CADPS2: variants seen among roughly 807,000 people sequenced by gnomAD.
The protein encoded by CADPS2 is calcium dependent secretion activator 2.
A neutral mutation model predicts 172.5 loss-of-function variants in CADPS2; 93 were observed. That is an observed-to-expected ratio of 0.54 (90% CI 0.46 to 0.64). CADPS2 has a LOEUF of 0.64. Ranked by LOEUF, CADPS2 falls within the 30% of genes least tolerant of loss-of-function variation. The pLI is 0.00. For missense variants in CADPS2, 1,420 were observed against 1,565.9 expected, an observed-to-expected ratio of 0.91 and a Z score of 1.57; for synonymous variants, 546 against 555.2, an observed-to-expected ratio of 0.98 and a Z score of 0.23.
chr7:122,346,028 C>A (rs796216710), intron 27 of CADPS2, among the ~76,000 whole-genome samples: 5 of 150,584 alleles, frequency 3.3e-5, no homozygotes, highest in African/African-American at 1.2e-4. Flanking sequence ...TTCCCAGTTG[C>A]AAATACAATT....
chr7:122,870,338 AAAACTGTAAAAAGAGAC>A (rs1819437453), intron 1 of CADPS2, among the ~76,000 whole-genome samples: 1 of 152,036 alleles, frequency 6.6e-6, no homozygotes, highest in Admixed American at 6.6e-5. Flanking sequence ...CTTTAAATCA[AAAACTGTAAAAAGAGAC>A]AAAGAAGGTC....
At chr7:122,419,481 T>G (rs1293534867) in intron 17 of CADPS2, among the ~76,000 whole-genome samples, 1 of 152,176 alleles carries the variant, frequency 6.6e-6, no homozygotes, top group Non-Finnish European at 1.5e-5. Context: ...TTTCTCCATT[T>G]TTAGATGAAG....
At chr7:122,566,534 G>A (rs1184575553) in intron 7 of CADPS2, among the ~76,000 whole-genome samples, 1 of 152,050 alleles carries the variant, frequency 6.6e-6, no homozygotes, top group Non-Finnish European at 1.5e-5. Flanking sequence ...ATCAGTGAAT[G>A]AATAAAATGG....
chr7:122,809,940 G>A lies in CADPS2; in HGVS notation c.340-72872C>T, dbSNP rs116882368. ...AAGGTACTAATGGCAGGTGCTAATG[G>A]TTATTACACACATATACACATATGC... On this transcript the variant is annotated intron_variant, in intron 1 of 29. Coordinates refer to ENST00000449022, the MANE Select transcript of CADPS2 (RefSeq NM_017954.11). Among the ~76,000 whole-genome samples the A allele has an allele frequency of 7.5e-3, 1,139 of 152,148 alleles. 3 individuals are homozygous for A. Among genetic ancestry groups the A allele is most frequent in the Non-Finnish European group, 0.011 (761 of 67,992 alleles).
At chr7:122,639,724 T>G (rs746494190) in intron 3 of CADPS2, among the ~76,000 whole-genome samples, 10 of 152,180 alleles carry the variant, frequency 6.6e-5, no homozygotes, top group Non-Finnish European at 1.5e-4. Context: ...TACTTCAAAA[T>G]AAATTATACT....
chr7:122,821,566 A>T (rs1191799263), intron 1 of CADPS2, among the ~76,000 whole-genome samples: 1 of 152,114 alleles, frequency 6.6e-6, no homozygotes, highest in Non-Finnish European at 1.5e-5. Flanking sequence ...CCTTTCCTAC[A>T]GGGTCTGAGA....
intron 2 of CADPS2, among the ~76,000 whole-genome samples, chr7:122,704,112 T>A (rs1406778659): frequency 6.6e-6 from 1 of 152,116 alleles, no homozygotes; most frequent in Non-Finnish European, 1.5e-5. Context: ...AGACCTTATT[T>A]CCTAGTGTGA....
intron 22 of CADPS2, among the ~76,000 whole-genome samples, chr7:122,390,815 G>A (rs1232084281): frequency 6.6e-6 from 1 of 151,776 alleles, no homozygotes; most frequent in Non-Finnish European, 1.5e-5. Flanking sequence ...CTAATTGGTG[G>A]CCTATTCCTA....
rs200984050 is a variant in CADPS2 at position 122,360,992 on chromosome 7, C to T, written c.3409G>A (p.Val1137Met). The T allele has an allele frequency of 2.3e-4, 373 of 1,613,560 alleles. 1 individual carries two copies. The highest frequency in any genetic ancestry group is 2.6e-4 in the Non-Finnish European group (304 of 1,179,674). ...VSKFVSVLEG[V>M]LSKLSRYDEG... ...TCATACCTTGACAGCTTAGACAACACGCCTTCCAACACTGAAACAAACTAT... is the reference window on the plus strand; with the variant it reads ...TCATACCTTGACAGCTTAGACAACATGCCTTCCAACACTGAAACAAACTAT... The change falls in exon 26 of 30, where the codon GTG becomes ATG. Residue 1137 changes from valine (V) to methionine (M), a missense_variant. Val to Met is a conservative substitution (Grantham distance 21). Coordinates refer to ENST00000449022, the MANE Select transcript of CADPS2 (RefSeq NM_017954.11).
intron 8 of CADPS2, among the ~76,000 whole-genome samples, chr7:122,531,742 C>T (rs116051239): frequency 0.012 from 1,753 of 152,170 alleles, 34 homozygotes; most frequent in African/African-American, 0.04. Flanking sequence ...TTAAAAAATA[C>T]TGTTAGCAGG....
At chr7:122,462,753 G>A (rs570988452) in intron 14 of CADPS2, among the ~76,000 whole-genome samples, 1 of 152,224 alleles carries the variant, frequency 6.6e-6, no homozygotes, top group Admixed American at 6.5e-5. Context: ...TAGTTATGAT[G>A]ATCATCACCA....
chr7:122,418,850 T>C (rs1312773620), intron 17 of CADPS2, among the ~76,000 whole-genome samples: 1 of 152,196 alleles, frequency 6.6e-6, no homozygotes, highest in Non-Finnish European at 1.5e-5. Flanking sequence ...CACATAAGTG[T>C]GATTTAAAAT....
In CADPS2 at chr7:122,394,121, T is replaced by C. The variant is rs75745823; in HGVS notation, c.2747-539A>G. ...ACATTATAGTTATTTGTGGATTTTC[T>C]TTTTAGTCATTCAATTTTGCATATC... On this transcript the variant is annotated intron_variant, in intron 20 of 29. Transcript: ENST00000449022. Among the ~76,000 whole-genome samples the C allele has an allele frequency of 4.2e-3, 634 of 152,342 alleles. 3 individuals are homozygous for C. The highest frequency in any genetic ancestry group is 0.027 in the Middle Eastern group (8 of 294).
chr7:122,489,615 T>G (rs570523834), intron 11 of CADPS2, among the ~76,000 whole-genome samples: 3 of 152,154 alleles, frequency 2.0e-5, no homozygotes, highest in Non-Finnish European at 2.9e-5. Flanking sequence ...TATGACTTAT[T>G]ATTTTTATCA....
intron 8 of CADPS2, among the ~76,000 whole-genome samples, chr7:122,552,917 G>A (rs927393526): frequency 9.2e-5 from 14 of 152,038 alleles, no homozygotes; most frequent in African/African-American, 2.9e-4. Context: ...GCACTTTAGA[G>A]CACTAGCACT....
At chr7:122,553,558 A>C (rs774653070) in intron 8 of CADPS2, among the ~76,000 whole-genome samples, 1 of 152,126 alleles carries the variant, frequency 6.6e-6, no homozygotes, top group Non-Finnish European at 1.5e-5. Context: ...TACAGTCCTT[A>C]GCACCATCCC....
chr7:122,411,638 T>A (rs1287494635), intron 19 of CADPS2, among the ~76,000 whole-genome samples: 1 of 152,204 alleles, frequency 6.6e-6, no homozygotes. Context: ...TGTGCCTATT[T>A]ATTCCCCAAG....
intron 17 of CADPS2, among the ~76,000 whole-genome samples, chr7:122,421,333 A>C (rs1274255380): frequency 6.6e-6 from 1 of 152,170 alleles, no homozygotes; most frequent in Non-Finnish European, 1.5e-5. Flanking sequence ...AAATTTAATG[A>C]GCTGATTGTA....
At chr7:122,679,137 GC>G (rs35074105) in intron 2 of CADPS2, among the ~76,000 whole-genome samples, 21,401 of 151,968 alleles carry the variant, frequency 0.14, 1,586 homozygotes, top group Non-Finnish European at 0.16. Flanking sequence ...AAGTCTGGCT[GC>G]CTGTGGGCCG....
Sources: gnomAD v4.1 joint callset for allele counts (sites outside exome capture counted in the v4.1 genomes callset) on GRCh38, gnomAD v4.1.1 for gene constraint, MANE v1.5 for transcripts, NCBI Gene and HGNC (gene_info 2026-07-23, HGNC 2026-07-21) for gene names.